Variants in GRIK3 observed in about 807,000 individuals in gnomAD.
GRIK3 encodes the protein glutamate receptor ionotropic, kainate 3.
In GRIK3, 29 loss-of-function variants were observed where a neutral mutation model predicts 102.5. The observed-to-expected ratio is 0.28, with a 90% CI of 0.21 to 0.39. The LOEUF is 0.39. GRIK3 is among the 10% of genes least tolerant of loss of function. The probability of loss-of-function intolerance (pLI) is 1.00; values close to 1 mark genes in which losing one functional copy is unlikely to be tolerated. For missense variants in GRIK3, 908 were observed against 1,252.4 expected, an observed-to-expected ratio of 0.73 and a Z score of 4.15; for synonymous variants, 511 against 504.9, an observed-to-expected ratio of 1.01 and a Z score of -0.16.
intron 1 of GRIK3, among the ~76,000 whole-genome samples, chr1:36,911,531 G>A (rs1641345098): frequency 6.6e-6 from 1 of 152,078 alleles, no homozygotes; most frequent in African/African-American, 2.4e-5. Context: ...CCAGAGAAGG[G>A]GCAGATCTGA....
At chr1:36,908,521 TC>T (rs1316774070) in intron 1 of GRIK3, among the ~76,000 whole-genome samples, 2 of 152,160 alleles carry the variant, frequency 1.3e-5, no homozygotes, top group Non-Finnish European at 2.9e-5. Context: ...TGGAGAGAGT[TC>T]CCTGCCCCGC....
intron 1 of GRIK3, among the ~76,000 whole-genome samples, chr1:36,982,718 G>A (rs1429407097): frequency 6.6e-6 from 1 of 152,074 alleles, no homozygotes; most frequent in African/African-American, 2.4e-5. Context: ...AAGGGTGGAA[G>A]GGGCAGCCCA....
chr1:37,032,145 G>T (rs568947392), intron 1 of GRIK3, among the ~76,000 whole-genome samples: 1 of 152,272 alleles, frequency 6.6e-6, no homozygotes, highest in Admixed American at 6.5e-5. Context: ...GCAGGCTTGG[G>T]GATGCTCTTC....
In GRIK3 at chr1:36,819,208, C is replaced by T. The variant is rs935941039; in HGVS notation, c.1873+528G>A. Among the ~76,000 whole-genome samples the T allele has an allele frequency of 6.6e-6, 1 of 152,258 alleles. No individual in the cohort carries two copies. The highest frequency in any genetic ancestry group is 2.1e-4 in the South Asian group (1 of 4,834). On this transcript the variant is annotated intron_variant, in intron 12 of 15. Coordinates refer to ENST00000373091, the MANE Select transcript of GRIK3 (RefSeq NM_000831.4). The surrounding 1 kb of genome is among the most constrained non-coding windows in gnomAD (Gnocchi z 4.1). ...ATCCTTCCTACTCCCAGGCACCTCA[C>T]AGCCAAGCGGCCACGGAGTCCCATC... is the stretch of plus-strand genomic sequence containing the variant.
intron 1 of GRIK3, among the ~76,000 whole-genome samples, chr1:36,969,109 C>A (rs905195895): frequency 2.0e-5 from 3 of 152,064 alleles, no homozygotes; most frequent in African/African-American, 7.3e-5. Flanking sequence ...AAAACCAAAC[C>A]CGCATCCTCC....
chr1:36,901,897 G>A (rs140220586), intron 1 of GRIK3, among the ~76,000 whole-genome samples: 11 of 152,264 alleles, frequency 7.2e-5, no homozygotes, highest in East Asian at 5.8e-4. Context: ...CAGAATATAC[G>A]GTTAATATGC....
At chr1:36,931,371 C>T (rs1191317010) in intron 1 of GRIK3, among the ~76,000 whole-genome samples, 1 of 152,218 alleles carries the variant, frequency 6.6e-6, no homozygotes, top group Non-Finnish European at 1.5e-5. Context: ...TAAACCCTGC[C>T]TCCTCAAAGA....
rs893127576 is a variant in GRIK3, at chr1:36,850,127, G to T, written c.1326+184C>A. On this transcript the variant is annotated intron_variant, in intron 9 of 15. Coordinates refer to ENST00000373091, the MANE Select transcript of GRIK3 (RefSeq NM_000831.4). This position sits in a 1 kb window ranked among gnomAD's most constrained non-coding sequence, Gnocchi z 4.0. Reference sequence around the variant, plus strand: ...CACAAAAACGCAGCGGCTTCCGCCCGTGGCAGCGAGCAGCGCTGCTGCGCT... The same window carrying T: ...CACAAAAACGCAGCGGCTTCCGCCCTTGGCAGCGAGCAGCGCTGCTGCGCT... The T allele has an allele frequency of 1.7e-6, 1 of 578,804 alleles. No homozygotes were observed. Among genetic ancestry groups the T allele is most frequent in the Non-Finnish European group, 3.1e-6 (1 of 324,754 alleles). 35.9% of individuals were successfully genotyped at this position (578,804 alleles called of 1,614,324 possible). A position where few individuals can be genotyped will look rare whatever the true frequency, so the allele number is the denominator to read the frequency against.
At position 36,872,250 on chromosome 1, in the gene GRIK3, C is replaced by T. The variant is rs139397096; in HGVS notation, c.670G>A (p.Gly224Ser). The change falls in exon 4 of 16, where the codon GGC (glycine) becomes AGC (serine). Residue 224 changes from glycine to serine, a missense_variant. Coordinates refer to ENST00000373091, the MANE Select transcript of GRIK3 (RefSeq NM_000831.4). The surrounding 1 kb of genome is among the most constrained non-coding windows in gnomAD (Gnocchi z 5.9). ...TCGAAGATAATGCGGAATTCCCGGC[C>T]TCGCTTCATCTCCTTGAGCAAGGGG... is the stretch of plus-strand genomic sequence containing the variant. Reference protein sequence around the residue: ...SRPLLKEMKRGREFRIIFDCS... With the variant: ...SRPLLKEMKRSREFRIIFDCS... The T allele has an allele frequency of 6.2e-7, 1 of 1,612,554 alleles. No homozygotes were observed. The highest frequency in any genetic ancestry group is 1.3e-5 in the African/African-American group (1 of 74,876).
At chr1:36,832,908 C>CT (rs1256682854) in intron 10 of GRIK3, among the ~76,000 whole-genome samples, 1 of 152,236 alleles carries the variant, frequency 6.6e-6, no homozygotes, top group African/African-American at 2.4e-5. Flanking sequence ...GTGGGCCCCC[C>CT]TGCCCCCAAG....
intron 1 of GRIK3, among the ~76,000 whole-genome samples, chr1:36,966,275 T>C (rs1350422816): frequency 6.6e-6 from 1 of 152,216 alleles, no homozygotes; most frequent in Non-Finnish European, 1.5e-5. Flanking sequence ...TGTCTCAAGC[T>C]GGACATGGGA....
intron 9 of GRIK3, among the ~76,000 whole-genome samples, chr1:36,845,758 G>GCACAC (rs1640512865): frequency 6.6e-6 from 1 of 152,158 alleles, no homozygotes; most frequent in African/African-American, 2.4e-5. Flanking sequence ...GTTAGAACCA[G>GCACAC]CACACAGTAT....
At chr1:37,003,993 G>A (rs1166398145) in intron 1 of GRIK3, among the ~76,000 whole-genome samples, 1 of 152,110 alleles carries the variant, frequency 6.6e-6, no homozygotes, top group Non-Finnish European at 1.5e-5. Context: ...CGAACTTGAG[G>A]TAGTGGGGAG....
chr1:36,851,950 T>G (rs1640591003), intron 8 of GRIK3, among the ~76,000 whole-genome samples: 2 of 152,142 alleles, frequency 1.3e-5, no homozygotes, highest in Admixed American at 6.5e-5. Context: ...AGGTTATCCC[T>G]AGAGATGGGT....
intron 13 of GRIK3, among the ~76,000 whole-genome samples, chr1:36,809,152 C>CCCGT (rs146616165): frequency 6.6e-6 from 1 of 150,994 alleles, no homozygotes; most frequent in Non-Finnish European, 1.5e-5. Context: ...TACCCATCAA[C>CCCGT]CCATCCATCC....
intron 1 of GRIK3, among the ~76,000 whole-genome samples, chr1:36,968,208 ACT>A (rs1462734546): frequency 1.4e-4 from 14 of 97,470 alleles, no homozygotes; most frequent in African/African-American, 5.0e-4. Context: ...TCTCTCTTTC[ACT>A]CTCTCTCTCC....
intron 1 of GRIK3, among the ~76,000 whole-genome samples, chr1:36,952,194 C>G (rs1641851807): frequency 6.6e-6 from 1 of 152,240 alleles, no homozygotes; most frequent in Non-Finnish European, 1.5e-5. Context: ...CGAGAGCCTA[C>G]TCATCCCTCA....
At chr1:36,824,789 A>G (rs1021610639) in intron 11 of GRIK3, among the ~76,000 whole-genome samples, 17 of 152,076 alleles carry the variant, frequency 1.1e-4, no homozygotes, top group Non-Finnish European at 2.5e-4. Flanking sequence ...GGACCACCGG[A>G]CGGAGATGTG....
rs989264243 is a variant in GRIK3, at chr1:36,806,914, C to T, written c.2092-588G>A. Among the ~76,000 whole-genome samples the T allele has an allele frequency of 4.6e-5, 7 of 152,152 alleles. No individual in the cohort carries two copies. Among genetic ancestry groups the T allele is most frequent in the South Asian group, 2.1e-4 (1 of 4,832 alleles). On this transcript the variant is annotated intron_variant, in intron 13 of 15. Coordinates refer to ENST00000373091, the MANE Select transcript of GRIK3 (RefSeq NM_000831.4). The surrounding 1 kb of genome is among the most constrained non-coding windows in gnomAD (Gnocchi z 4.0). Reference sequence around the variant, plus strand: ...TGGAGGGGGAGAGACAGCTGCTCATCGGGGCAAAGCTGAGTGGGTCCTGGG... The same window carrying T: ...TGGAGGGGGAGAGACAGCTGCTCATTGGGGCAAAGCTGAGTGGGTCCTGGG...
Sources: gnomAD v4.1 joint callset for allele counts (sites outside exome capture counted in the v4.1 genomes callset) on GRCh38, gnomAD v4.1.1 for gene constraint, Gnocchi (gnomAD v3.1) non-coding constraint, MANE v1.5 for transcripts, NCBI Gene and HGNC (gene_info 2026-07-23, HGNC 2026-07-21) for gene names.